TIGD6: variants seen among roughly 807,000 people sequenced by gnomAD.
TIGD6 encodes tigger transposable element derived 6.
A neutral mutation model predicts 2.6 loss-of-function variants in TIGD6; 1 was observed. The observed-to-expected ratio is 0.39, with a 90% CI of 0.14 to 1.85. The LOEUF is 1.85. Among genes scored for constraint, TIGD6 ranks in the 40% most tolerant of loss-of-function variants. The pLI is 0.32. For synonymous variants in TIGD6, 193 were observed against 221.9 expected, an observed-to-expected ratio of 0.87 and a Z score of 1.16; for missense variants, 601 against 634.2, an observed-to-expected ratio of 0.95 and a Z score of 0.56.
intron 1 of TIGD6, among the ~76,000 whole-genome samples, 190 bp from the exon 2 acceptor site, chr5:149,996,619 T>C (rs1033853866): frequency 1.3e-5 from 2 of 152,248 alleles, no homozygotes. Flanking sequence ...GAAGTGATCT[T>C]ATCTAGCTTA....
rs958499803 is a variant in TIGD6 at position 149,994,598 on chromosome 5, GAC to G, written c.*183_*184del. On this transcript the variant is annotated 3_prime_UTR_variant, in exon 2 of 2. Coordinates refer to ENST00000296736, the MANE Select transcript of TIGD6 (RefSeq NM_030953.4). ...AATACATCTTGAATCAAGGACCAGA[GAC>G]AGCCAAAAACAAAAGAAAAGAAAAC... 4.3e-5 allele frequency: 23 copies of G among 535,872 alleles called. No homozygotes were observed. The African/African-American group carries it at 4.3e-4, about 10-fold the overall frequency. The allele number at this position is 535,872 out of a possible 1,614,324, so 33.2% of individuals were successfully genotyped here.
Position 149,997,359 on chromosome 5 carries a change from G to A in TIGD6, c.-81-930C>T, listed in dbSNP as rs116349474. Among the ~76,000 whole-genome samples the A allele has an allele frequency of 6.4e-3, 970 of 151,988 alleles. 10 individuals are homozygous for A. The highest frequency in any genetic ancestry group is 0.02 in the African/African-American group (810 of 41,442). On this transcript the variant is annotated intron_variant, in intron 1 of 1. Coordinates refer to ENST00000296736, the MANE Select transcript of TIGD6 (RefSeq NM_030953.4). ...GCCAGACCAGCCTGGCCAACATGGC[G>A]AAACTCCGATTCTACTAAAAATACA... is the stretch of plus-strand genomic sequence containing the variant.
At chr5:149,997,570 A>C (rs917761537) in intron 1 of TIGD6, among the ~76,000 whole-genome samples, 9 of 151,814 alleles carry the variant, frequency 5.9e-5, no homozygotes, top group Non-Finnish European at 1.5e-5. Context: ...AAACAAAAAA[A>C]ACACACACAC....
At position 149,995,791 on chromosome 5, in the gene TIGD6, C is replaced by A; in HGVS notation, c.558G>T (p.Gln186His). 1 of 1,614,194 alleles carries A rather than the reference C, an allele frequency of 6.2e-7. No homozygotes were observed. The highest frequency in any genetic ancestry group is 8.5e-7 in the Non-Finnish European group (1 of 1,180,026). ...FNADETGVFFQLLPQHTLAAK... is the reference protein window; with the variant it reads ...FNADETGVFFHLLPQHTLAAK... Reference sequence around the variant, plus strand: ...CAGCAAGTGTGTGCTGGGGAAGCAACTGGAAAAACACTCCTGTCTCATCAG... The same window carrying A: ...CAGCAAGTGTGTGCTGGGGAAGCAAATGGAAAAACACTCCTGTCTCATCAG... The change falls in exon 2 of 2, where the codon CAG becomes CAT. Residue 186 changes from glutamine to histidine, a missense_variant. By Grantham distance (24) the Gln-to-His change is conservative (BLOSUM62 0). Coordinates refer to ENST00000296736, the MANE Select transcript of TIGD6 (RefSeq NM_030953.4).
rs1168310719 is a variant in TIGD6 at position 149,993,792 on chromosome 5, A to C, written c.*991T>G. ...TCGTAAGGCCAGCATGGCAGTGTGCATCAGTAGTCCCATCTATTTGGGAGG... is the reference window on the plus strand; with the variant it reads ...TCGTAAGGCCAGCATGGCAGTGTGCCTCAGTAGTCCCATCTATTTGGGAGG... On this transcript the variant is annotated 3_prime_UTR_variant, in exon 2 of 2. Coordinates refer to ENST00000296736, the MANE Select transcript of TIGD6 (RefSeq NM_030953.4). 1 of 152,344 alleles carries C rather than the reference A, an allele frequency of 6.6e-6. No homozygotes were observed. The highest frequency in any genetic ancestry group is 1.5e-5 in the Non-Finnish European group (1 of 68,124). 9.4% of individuals were successfully genotyped at this position (152,344 alleles called of 1,614,324 possible).
At position 149,994,906 on chromosome 5, in the gene TIGD6, G is replaced by A; in HGVS notation, c.1443C>T (p.Ser481=). The A allele has an allele frequency of 1.2e-6, 2 of 1,612,328 alleles. No individual in the cohort carries two copies. Among genetic ancestry groups the A allele is most frequent in the Non-Finnish European group, 1.7e-6 (2 of 1,178,698 alleles). Reference sequence around the variant, plus strand: ...TGGCATCAGGAATGTCTACACAAGTGGAAAGGAACTGTCTAAGTTTCTGTA... The same window carrying A: ...TGGCATCAGGAATGTCTACACAAGTAGAAAGGAACTGTCTAAGTTTCTGTA... ...SSVQKLRQFL[S]TCVDIPDAIF... Residue 481 remains serine (S), a synonymous_variant, in exon 2 of 2, where the codon TCC becomes TCT. Coordinates refer to ENST00000296736, the MANE Select transcript of TIGD6 (RefSeq NM_030953.4).
intron 1 of TIGD6, 95 bp from the exon 2 acceptor site, chr5:149,996,524 T>C: frequency 1.1e-6 from 1 of 882,906 alleles, no homozygotes. Context: ...AAAGGACAAT[T>C]TACAGTCAAA....
At chr5:149,998,144 CA>C (rs937549858) in intron 1 of TIGD6, among the ~76,000 whole-genome samples, 8 of 149,654 alleles carry the variant, frequency 5.3e-5, no homozygotes, top group African/African-American at 1.7e-4. Context: ...AACAAACAAA[CA>C]AAGATGCCAT....
rs1302291046 is a variant in TIGD6 at position 149,995,224 on chromosome 5, T to C, written c.1125A>G (p.Ala375=). The stretch of plus-strand genomic sequence containing the variant: ...CTGCAAATTCCATAGGGACGATGCC[T>C]GCCTTCTGCCAACATTTCACCACTG... The part of the protein sequence containing the change: ...PSTVVKCWQK[A]GIVPMEFAEC... The change falls in exon 2 of 2, where the codon GCA becomes GCG. Residue 375 remains alanine, a synonymous_variant. Coordinates refer to ENST00000296736, the MANE Select transcript of TIGD6 (RefSeq NM_030953.4). The C allele has an allele frequency of 2.5e-6, 4 of 1,614,260 alleles. No individual in the cohort carries two copies. In the South Asian group the frequency reaches 4.4e-5, roughly 18 times the overall value.
intron 1 of TIGD6, among the ~76,000 whole-genome samples, chr5:149,998,570 C>A (rs1048647304): frequency 6.6e-6 from 1 of 152,214 alleles, no homozygotes; most frequent in African/African-American, 2.4e-5. Flanking sequence ...TTAAAACAAA[C>A]AGTCCCCCTG....
Position 149,999,658 on chromosome 5 carries a change from T to C in TIGD6, c.-82+816A>G, listed in dbSNP as rs74329045. 3.5e-3 allele frequency among the ~76,000 whole-genome samples: 532 copies of C among 152,254 alleles called. 3 individuals carry two copies. The highest frequency in any genetic ancestry group is 9.5e-3 in the African/African-American group (395 of 41,528). ...GGAGGATCTACTGCGTAAACCTCAT[T>C]TGTTAAGCACTTTACTTGCTTAATA... is the stretch of plus-strand genomic sequence containing the variant. On this transcript the variant is annotated intron_variant, in intron 1 of 1. Transcript: ENST00000296736.
intron 1 of TIGD6, among the ~76,000 whole-genome samples, chr5:149,997,374 C>A (rs530285503): frequency 1.3e-4 from 19 of 151,938 alleles, no homozygotes; most frequent in Non-Finnish European, 1.5e-4. Context: ...TCCGATTCTA[C>A]TAAAAATACA....
chr5:149,999,159 G>T (rs1755472612), intron 1 of TIGD6, among the ~76,000 whole-genome samples: 2 of 152,254 alleles, frequency 1.3e-5, no homozygotes, highest in African/African-American at 4.8e-5. Flanking sequence ...TTGCTTTGGG[G>T]GCATTAAGAG....
chr5:149,997,774 A>G (rs1477904104), intron 1 of TIGD6, among the ~76,000 whole-genome samples: 2 of 151,494 alleles, frequency 1.3e-5, no homozygotes, highest in Non-Finnish European at 2.9e-5. Context: ...CCTGGCCAAC[A>G]TGGTGAAACC....
Position 149,995,851 on chromosome 5 carries a change from C to T in TIGD6, c.498G>A (p.Leu166=). The T allele has an allele frequency of 6.2e-7, 1 of 1,614,214 alleles. No individual in the cohort carries two copies. Among genetic ancestry groups the T allele is most frequent in the Middle Eastern group, 1.6e-4 (1 of 6,062 alleles). The change falls in exon 2 of 2, where the codon CTG becomes CTA. Residue 166 remains leucine, a synonymous_variant. Coordinates refer to ENST00000296736, the MANE Select transcript of TIGD6 (RefSeq NM_030953.4). ...TATCATCTGGGCTGTAGTCAGCAAT[C>T]AGTTTTATAATTTCCCCTGCATGCC... ...NEWHAGEIIK[L]IADYSPDDIF...
In TIGD6 at chr5:149,996,174, G is replaced by C. The variant is rs9324636; in HGVS notation, c.175C>G (p.Arg59Gly). Residue 59 changes from arginine to glycine, a missense_variant, in exon 2 of 2, where the codon CGG becomes GGG. Coordinates refer to ENST00000296736, the MANE Select transcript of TIGD6 (RefSeq NM_030953.4). ...KDRTKFEEKV[R>G]EASVGPQRKR... ...CGCTGGGGTCCCACGGATGCCTCCCGCACCTTTTCTTCAAATTTGGTGCGA... is the reference window on the plus strand; with the variant it reads ...CGCTGGGGTCCCACGGATGCCTCCCCCACCTTTTCTTCAAATTTGGTGCGA... 5 of 1,614,102 alleles carry C rather than the reference G, an allele frequency of 3.1e-6. No homozygotes were observed. In the East Asian group the frequency reaches 1.1e-4, roughly 36 times the overall value.
In TIGD6 at chr5:149,996,310, A is replaced by T. The variant is rs1264402687; in HGVS notation, c.39T>A (p.Ser13=). The change falls in exon 2 of 2, where the codon TCT becomes TCA. Residue 13 remains serine (S), a synonymous_variant. Coordinates refer to ENST00000296736, the MANE Select transcript of TIGD6 (RefSeq NM_030953.4). The part of the protein sequence containing the change: ...NKGNKKRRQF[S]LEEKMKVVGA... The stretch of plus-strand genomic sequence containing the variant: ...CCACAACTTTCATTTTCTCCTCCAG[A>T]GAGAACTGCCGACGCTTCTTGTTCC... 1 of 1,613,108 alleles carries T rather than the reference A, an allele frequency of 6.2e-7. No individual in the cohort carries two copies. Among genetic ancestry groups the T allele is most frequent in the Admixed American group, 1.7e-5 (1 of 59,830 alleles).
Position 149,993,534 on chromosome 5 carries a change from C to T in TIGD6, c.*1249G>A, listed in dbSNP as rs562333467. ...CCCCATGATTCTGATTAACAGGATG[C>T]TCTATTATTATAACCTCCCTCCCTG... On this transcript the variant is annotated 3_prime_UTR_variant, in exon 2 of 2. Transcript: ENST00000296736. The T allele has an allele frequency of 4.7e-4, 71 of 152,164 alleles. No individual in the cohort carries two copies. Among genetic ancestry groups the T allele is most frequent in the African/African-American group, 1.7e-3 (69 of 41,530 alleles). 9.4% of individuals were successfully genotyped at this position (152,164 alleles called of 1,614,324 possible). A position where few individuals can be genotyped will look rare whatever the true frequency, so the allele number is the denominator to read the frequency against.
Position 149,996,052 on chromosome 5 carries a change from A to G in TIGD6, c.297T>C (p.Ser99=), listed in dbSNP as rs151111796. 8.8e-4 allele frequency: 1,416 copies of G among 1,613,308 alleles called. 2 individuals carry two copies. The highest frequency in any genetic ancestry group is 7.1e-4 in the Non-Finnish European group (838 of 1,180,044). ...AGTTTAGTGCTTTTTTCCGAATGAC[A>G]GAACCAGTCACAAGAATGTTTTTGG... ...IHAKNILVTG[S]VIRKKALNLA... is the part of the protein sequence containing the mutation. The change falls in exon 2 of 2, where the codon TCT becomes TCC. Residue 99 remains serine (S), a synonymous_variant. Transcript: ENST00000296736.
Sources: allele counts gnomAD v4.1 joint callset (sites outside exome capture counted in the v4.1 genomes callset), GRCh38; gene constraint gnomAD v4.1.1; transcripts MANE v1.5; gene names NCBI Gene and HGNC (gene_info 2026-07-23, HGNC 2026-07-21).